Variants in LRRC4C observed in about 807,000 individuals in gnomAD.
The protein encoded by LRRC4C is leucine-rich repeat-containing protein 4C.
A neutral mutation model predicts 33.6 loss-of-function variants in LRRC4C; 5 were observed. The observed-to-expected ratio is 0.15, with a 90% CI of 0.08 to 0.31. The LOEUF is 0.31. Among genes scored for constraint, LRRC4C ranks in the 10% least tolerant of loss-of-function variants. The probability of loss-of-function intolerance (pLI) is 1.00; values close to 1 mark genes in which losing one functional copy is unlikely to be tolerated. For synonymous variants in LRRC4C, 329 were observed against 302.0 expected, an observed-to-expected ratio of 1.09 and a Z score of -0.93; for missense variants, 560 against 796.7, an observed-to-expected ratio of 0.70 and a Z score of 3.58.
intron 1 of LRRC4C, among the ~76,000 whole-genome samples, chr11:41,234,364 T>C (rs1947931564): frequency 6.6e-6 from 1 of 152,036 alleles, no homozygotes. Flanking sequence ...CATTTCTTTT[T>C]TGGTGAGAAT....
At chr11:40,357,357 A>G (rs1947717959) in intron 3 of LRRC4C, among the ~76,000 whole-genome samples, 1 of 152,146 alleles carries the variant, frequency 6.6e-6, no homozygotes, top group South Asian at 2.1e-4. Flanking sequence ...TCACATTAGG[A>G]GATACACAAG....
chr11:40,996,969 T>A (rs920112300), intron 1 of LRRC4C, among the ~76,000 whole-genome samples: 11 of 152,026 alleles, frequency 7.2e-5, no homozygotes, highest in Non-Finnish European at 1.3e-4. Context: ...TTGGAGGGGA[T>A]GAATATCCAA....
intron 1 of LRRC4C, among the ~76,000 whole-genome samples, chr11:41,033,689 T>C (rs548536461): frequency 2.6e-5 from 4 of 152,204 alleles, no homozygotes; most frequent in African/African-American, 9.6e-5. Flanking sequence ...CCAAGGCACT[T>C]ATTTTTAGGG....
intron 2 of LRRC4C, among the ~76,000 whole-genome samples, chr11:40,833,759 A>G (rs1465018025): frequency 2.2e-5 from 3 of 138,058 alleles, no homozygotes; most frequent in African/African-American, 7.4e-5. Context: ...TAAAATGTAA[A>G]TGTGTATATA....
intron 2 of LRRC4C, among the ~76,000 whole-genome samples, chr11:40,888,575 A>G (rs1955564671): frequency 6.6e-6 from 1 of 151,974 alleles, no homozygotes; most frequent in South Asian, 2.1e-4. Flanking sequence ...CCCTCAAGGA[A>G]ACTAAGTTGT....
At position 40,555,680 on chromosome 11, in the gene LRRC4C, C is replaced by T. The variant is rs114942731; in HGVS notation, c.-270+92462G>A. Among the ~76,000 whole-genome samples, 1,315 of 152,198 alleles carry T rather than the reference C, an allele frequency of 8.6e-3. 16 individuals carry two copies. Among genetic ancestry groups the T allele is most frequent in the African/African-American group, 0.031 (1,272 of 41,522 alleles). On this transcript the variant is annotated intron_variant, in intron 3 of 6. Coordinates refer to ENST00000528697, the MANE Select transcript of LRRC4C (RefSeq NM_001258419.2). ...CACACATAAAATATACTAACACTAA[C>T]GATAGCTGATGAGCTAAAGAAAAAA...
In LRRC4C at chr11:40,825,070, T is replaced by TA. The variant is rs1403721384; in HGVS notation, c.-407+108564dup. Among the ~76,000 whole-genome samples, 3 of 151,930 alleles carry TA rather than the reference T, an allele frequency of 2.0e-5. No homozygotes were observed. In the East Asian group the frequency reaches 5.8e-4, roughly 29 times the overall value. On this transcript the variant is annotated intron_variant, in intron 2 of 6. Coordinates refer to ENST00000528697, the MANE Select transcript of LRRC4C (RefSeq NM_001258419.2). ...AGTACATTGTGTAGGTGCTTCCACT[T>TA]ACATTAGCTTCACTTAATCTTAATA...
chr11:40,346,901 A>G (rs946453784), intron 3 of LRRC4C, among the ~76,000 whole-genome samples: 2 of 152,194 alleles, frequency 1.3e-5, no homozygotes, highest in African/African-American at 4.8e-5. Flanking sequence ...AGGCTTTGTC[A>G]TTCCATTAAT....
intron 3 of LRRC4C, among the ~76,000 whole-genome samples, chr11:40,400,549 T>A (rs1219472159): frequency 6.6e-6 from 1 of 152,072 alleles, no homozygotes; most frequent in African/African-American, 2.4e-5. Context: ...CAGTACTACC[T>A]GGAAAAAAAG....
chr11:40,596,235 A>G (rs1293606552), intron 3 of LRRC4C, among the ~76,000 whole-genome samples: 1 of 152,208 alleles, frequency 6.6e-6, no homozygotes, highest in East Asian at 1.9e-4. Context: ...CTTACCTACT[A>G]TTCCAGCAAG....
intron 1 of LRRC4C, among the ~76,000 whole-genome samples, chr11:41,003,129 C>G (rs1325680798): frequency 6.6e-6 from 1 of 152,024 alleles, no homozygotes; most frequent in Non-Finnish European, 1.5e-5. Flanking sequence ...TAATTTTTAA[C>G]ATGAGAACTG....
chr11:41,022,199 AATAT>A (rs1374512570), intron 1 of LRRC4C, among the ~76,000 whole-genome samples: 3 of 149,084 alleles, frequency 2.0e-5, no homozygotes, highest in Non-Finnish European at 4.5e-5. Flanking sequence ...TATCTTACTG[AATAT>A]ACAGAACATA....
At chr11:40,289,033 G>C (rs925773448) in intron 4 of LRRC4C, among the ~76,000 whole-genome samples, 2 of 151,978 alleles carry the variant, frequency 1.3e-5, no homozygotes, top group Non-Finnish European at 2.9e-5. Context: ...TATACTCTTA[G>C]AAGAAAGTCA....
intron 1 of LRRC4C, among the ~76,000 whole-genome samples, chr11:41,014,236 A>G (rs529326845): frequency 3.9e-5 from 6 of 152,278 alleles, no homozygotes; most frequent in African/African-American, 1.4e-4. Flanking sequence ...CTTGGAGGTT[A>G]GTATTTCAAT....
At chr11:41,365,147 G>C (rs1952490279) in intron 1 of LRRC4C, among the ~76,000 whole-genome samples, 2 of 152,102 alleles carry the variant, frequency 1.3e-5, no homozygotes, top group South Asian at 4.1e-4. Flanking sequence ...CCCATTGCTA[G>C]CATTACTGCC....
intron 1 of LRRC4C, among the ~76,000 whole-genome samples, chr11:40,961,835 A>T (rs1165610084): frequency 6.6e-6 from 1 of 151,540 alleles, no homozygotes; most frequent in Admixed American, 6.6e-5. Context: ...CATTCATTTT[A>T]AAAAAACCTT....
chr11:40,547,956 G>A (rs1242434485), intron 3 of LRRC4C, among the ~76,000 whole-genome samples: 6 of 152,086 alleles, frequency 3.9e-5, no homozygotes, highest in South Asian at 2.1e-4. Flanking sequence ...ATGGACCAAC[G>A]CTCTATTCCC....
intron 3 of LRRC4C, among the ~76,000 whole-genome samples, chr11:40,565,683 A>G (rs938779833): frequency 6.6e-6 from 1 of 152,106 alleles, no homozygotes; most frequent in African/African-American, 2.4e-5. Flanking sequence ...GCCTTCAGAG[A>G]CATTTCCTTC....
At chr11:41,199,122 A>G (rs1946302161) in intron 1 of LRRC4C, among the ~76,000 whole-genome samples, 1 of 152,178 alleles carries the variant, frequency 6.6e-6, no homozygotes, top group Non-Finnish European at 1.5e-5. Context: ...ACACTCTGTG[A>G]AAGTATACTA....
Sources: allele counts gnomAD v4.1 joint callset (sites outside exome capture counted in the v4.1 genomes callset), GRCh38; gene constraint gnomAD v4.1.1; transcripts MANE v1.5; gene names NCBI Gene and HGNC (gene_info 2026-07-23, HGNC 2026-07-21).